TEX2: variants seen among roughly 807,000 people sequenced by gnomAD.
The protein encoded by TEX2 is testis expressed 2, also known as testis-expressed protein 2.
Under a neutral mutation model 106.9 loss-of-function variants are expected in TEX2, and 53 were observed. That is an observed-to-expected ratio of 0.50 (90% CI 0.40 to 0.62). The LOEUF (loss-of-function observed/expected upper bound fraction) is 0.62, where lower values mean the gene tolerates loss of function less well. Among genes scored for constraint, TEX2 ranks in the 20% least tolerant of loss-of-function variants. The pLI, the probability that TEX2 is intolerant of heterozygous loss-of-function variation, is 0.00. For missense variants in TEX2, 1,207 were observed against 1,379.0 expected, an observed-to-expected ratio of 0.88 and a Z score of 1.98; for synonymous variants, 523 against 534.8, an observed-to-expected ratio of 0.98 and a Z score of 0.30.
intron 7 of TEX2, among the ~76,000 whole-genome samples, chr17:64,166,272 C>T (rs2031132419): frequency 6.6e-6 from 1 of 152,246 alleles, no homozygotes; most frequent in Non-Finnish European, 1.5e-5. Context: ...GCATCTCTAC[C>T]ACACCCAAAC....
chr17:64,197,191 A>G (rs782298575), intron 2 of TEX2, among the ~76,000 whole-genome samples: 15 of 151,904 alleles, frequency 9.9e-5, no homozygotes, highest in Non-Finnish European at 1.9e-4. Context: ...TTTGTGTAGA[A>G]TTAATAATAT....
rs562056318 is a variant in TEX2, at chr17:64,214,185, T to C, written c.33A>G (p.Lys11=). The C allele has an allele frequency of 6.2e-7, 1 of 1,614,018 alleles. No homozygotes were observed. Residue 11 remains lysine (K), a synonymous_variant, in exon 2 of 12, where the codon AAA becomes AAG. Coordinates refer to ENST00000584379, the MANE Select transcript of TEX2 (RefSeq NM_001288732.2). MTSLYGRHAE[K]TTDMPKPSAP... Reference sequence around the variant, plus strand: ...CTGATGGTTTTGGCATGTCAGTGGTTTTCTCGGCATGGCGACCATACAGAC... The same window carrying C: ...CTGATGGTTTTGGCATGTCAGTGGTCTTCTCGGCATGGCGACCATACAGAC...
Position 64,214,229 on chromosome 17 carries a change from C to T in TEX2, c.-12G>A. ...TACAGACTTGTCATTGCCGGCTTCA[C>T]AAGGGCTCAGGCTCTGTGAAAACAG... On this transcript the variant is annotated 5_prime_UTR_variant, in exon 2 of 12. It adds an upstream start codon to the 5' untranslated region. Transcript: ENST00000584379. The T allele has an allele frequency of 6.2e-7, 1 of 1,607,442 alleles. No homozygotes were observed. Among genetic ancestry groups the T allele is most frequent in the South Asian group, 1.1e-5 (1 of 90,346 alleles).
At chr17:64,182,313 G>T (rs183088093) in intron 5 of TEX2, among the ~76,000 whole-genome samples, 44 of 152,264 alleles carry the variant, frequency 2.9e-4, no homozygotes, top group African/African-American at 1.0e-3. Context: ...GTTGCCAGGG[G>T]CTGGGAGGAG....
At chr17:64,259,826 A>G (rs1472190651) in intron 1 of TEX2, among the ~76,000 whole-genome samples, 1 of 152,234 alleles carries the variant, frequency 6.6e-6, no homozygotes, top group Non-Finnish European at 1.5e-5. Context: ...ACCATTGACT[A>G]TAAGACACAC....
At chr17:64,236,198 T>A (rs2033763218) in intron 1 of TEX2, among the ~76,000 whole-genome samples, 1 of 152,156 alleles carries the variant, frequency 6.6e-6, no homozygotes, top group Non-Finnish European at 1.5e-5. Context: ...ATAAAAATTT[T>A]AAAAACAATA....
intron 6 of TEX2, among the ~76,000 whole-genome samples, chr17:64,176,096 AG>A (rs1335152640): frequency 6.6e-6 from 1 of 152,184 alleles, no homozygotes; most frequent in Non-Finnish European, 1.5e-5. Flanking sequence ...AAACTACCTC[AG>A]GAACACAAAC....
At chr17:64,210,248 T>C (rs1983464) in intron 2 of TEX2, among the ~76,000 whole-genome samples, 88,541 of 151,986 alleles carry the variant, frequency 0.58, 27,007 homozygotes, top group East Asian at 0.85. Flanking sequence ...ACGCTAAGCT[T>C]AAGGGTGTCA....
intron 7 of TEX2, among the ~76,000 whole-genome samples, chr17:64,168,315 C>T (rs2031235563): frequency 1.3e-5 from 2 of 152,182 alleles, no homozygotes; most frequent in African/African-American, 2.4e-5. Context: ...CTGATTTGAT[C>T]AAACTTTGAA....
Position 64,152,949 on chromosome 17 carries a change from C to T in TEX2, c.3136G>A (p.Val1046Ile), listed in dbSNP as rs766938179. ...CCCTGAGGGCCCTCTACGCACCATACTCGGTCAGTCGGGGGTGGTGGAATG... is the reference window on the plus strand; with the variant it reads ...CCCTGAGGGCCCTCTACGCACCATATTCGGTCAGTCGGGGGTGGTGGAATG... ...VNIPPPPTDR[V>I]WYGFRKPPHV... The change falls in exon 10 of 12, where the codon GTA becomes ATA. Residue 1046 changes from valine (V) to isoleucine (I), a missense_variant. Coordinates refer to ENST00000584379, the MANE Select transcript of TEX2 (RefSeq NM_001288732.2). 2 of 1,614,000 alleles carry T rather than the reference C, an allele frequency of 1.2e-6. No homozygotes were observed. The highest frequency in any genetic ancestry group is 1.7e-6 in the Non-Finnish European group (2 of 1,179,984).
rs1340422060 is a variant in TEX2 at position 64,217,018 on chromosome 17, C to A, written c.-25-2776G>T. Among the ~76,000 whole-genome samples, 1 of 152,158 alleles carries A rather than the reference C, an allele frequency of 6.6e-6. No homozygotes were observed. Among genetic ancestry groups the A allele is most frequent in the African/African-American group, 2.4e-5 (1 of 41,420 alleles). ...CTGGTTCCACTTCTCTAGATTTTTACTAAAATAAGCCACACGAGGCCGGAG... is the reference window on the plus strand; with the variant it reads ...CTGGTTCCACTTCTCTAGATTTTTAATAAAATAAGCCACACGAGGCCGGAG... On this transcript the variant is annotated intron_variant, in intron 1 of 11. Transcript: ENST00000584379. This position sits in a 1 kb window ranked among gnomAD's most constrained non-coding sequence, Gnocchi z 4.3.
chr17:64,223,937 G>C (rs555411305), intron 1 of TEX2, among the ~76,000 whole-genome samples: 3 of 152,094 alleles, frequency 2.0e-5, no homozygotes, highest in African/African-American at 7.2e-5. Flanking sequence ...GGAGGCCGAG[G>C]CAGGTAACAC....
chr17:64,246,401 A>T (rs782438876), intron 1 of TEX2, among the ~76,000 whole-genome samples: 4 of 152,048 alleles, frequency 2.6e-5, no homozygotes, highest in Non-Finnish European at 4.4e-5. Context: ...GTGCGCCACC[A>T]CAGCTGGCTA....
chr17:64,164,161 G>C (rs1383603086), intron 7 of TEX2, among the ~76,000 whole-genome samples: 2 of 152,108 alleles, frequency 1.3e-5, no homozygotes, highest in Non-Finnish European at 2.9e-5. Context: ...CTTCAGGCTG[G>C]GCACAGTGTC....
At chr17:64,238,283 T>C (rs1254937148) in intron 1 of TEX2, among the ~76,000 whole-genome samples, 2 of 152,182 alleles carry the variant, frequency 1.3e-5, no homozygotes, top group South Asian at 2.1e-4. Flanking sequence ...TGGGCGACAC[T>C]GTGAGACTCT....
Position 64,195,170 on chromosome 17 carries a change from TG to T in TEX2, c.1645-76del, listed in dbSNP as rs1449040556. On this transcript the variant is annotated intron_variant, in intron 2 of 11. Transcript: ENST00000584379. This position sits in a 1 kb window ranked among gnomAD's most constrained non-coding sequence, Gnocchi z 4.1. ...ATTTAGTGTGAAATGATGAACACTG[TG>T]GTATTTGGGACACTGAAACCAAACT... 4 of 1,412,796 alleles carry T rather than the reference TG, an allele frequency of 2.8e-6. No homozygotes were observed. The Admixed American group carries it at 7.3e-5, about 26-fold the overall frequency. 87.5% of individuals were successfully genotyped at this position (1,412,796 alleles called of 1,614,324 possible).
At chr17:64,211,600 G>A (rs1555631563) in intron 2 of TEX2, among the ~76,000 whole-genome samples, 1 of 152,144 alleles carries the variant, frequency 6.6e-6, no homozygotes, top group Non-Finnish European at 1.5e-5. Flanking sequence ...GTAATCTAGA[G>A]ATGATTTAAA....
At chr17:64,236,209 C>T (rs1440577651) in intron 1 of TEX2, among the ~76,000 whole-genome samples, 1 of 151,944 alleles carries the variant, frequency 6.6e-6, no homozygotes, top group Non-Finnish European at 1.5e-5. Context: ...AAAAACAATA[C>T]ACAATATAAC....
chr17:64,227,340 A>G (rs1433624985), intron 1 of TEX2, among the ~76,000 whole-genome samples: 2 of 152,166 alleles, frequency 1.3e-5, no homozygotes, highest in Admixed American at 1.3e-4. Flanking sequence ...GTAAGTACTC[A>G]TCAAGCTGAC....
Sources: allele counts gnomAD v4.1 joint callset (sites outside exome capture counted in the v4.1 genomes callset), GRCh38; gene constraint gnomAD v4.1.1; non-coding constraint Gnocchi (gnomAD v3.1); transcripts MANE v1.5; gene names NCBI Gene and HGNC (gene_info 2026-07-23, HGNC 2026-07-21).